Variants in TBC1D22A observed in about 807,000 individuals in gnomAD.
The protein encoded by TBC1D22A is TBC1 domain family member 22A, also known as putative GTPase activator.
In TBC1D22A, 38 loss-of-function variants were observed where a neutral mutation model predicts 60.2. That is an observed-to-expected ratio of 0.63 (90% CI 0.49 to 0.83). TBC1D22A has a LOEUF of 0.83. TBC1D22A is among the 40% of genes least tolerant of loss of function. The pLI, the probability that TBC1D22A is intolerant of heterozygous loss-of-function variation, is 0.00. For missense variants in TBC1D22A, 628 were observed against 701.0 expected (o/e 0.90, Z 1.18); for synonymous variants, 302 against 281.7 (o/e 1.07, Z -0.72).
chr22:46,921,579 G>A (rs2070759967), intron 8 of TBC1D22A, among the ~76,000 whole-genome samples: 1 of 152,210 alleles, frequency 6.6e-6, no homozygotes, highest in African/African-American at 2.4e-5. Flanking sequence ...ATGGTACAGT[G>A]ATTGATATTC....
At chr22:46,976,128 G>A (rs982924117) in intron 9 of TBC1D22A, among the ~76,000 whole-genome samples, 13 of 152,210 alleles carry the variant, frequency 8.5e-5, no homozygotes, top group Non-Finnish European at 1.5e-4. Context: ...GATGGTGAGT[G>A]ATGGGACTTG....
intron 4 of TBC1D22A, among the ~76,000 whole-genome samples, chr22:46,806,675 T>G (rs2085155000): frequency 6.6e-6 from 1 of 152,096 alleles, no homozygotes; most frequent in Admixed American, 6.5e-5. Context: ...ATAAAATGTG[T>G]TAACTTAGAA....
At chr22:46,972,749 C>T (rs1287270213) in intron 8 of TBC1D22A, among the ~76,000 whole-genome samples, 3 of 152,170 alleles carry the variant, frequency 2.0e-5, no homozygotes, top group African/African-American at 4.8e-5. Flanking sequence ...CTGTCGCACA[C>T]GCTAAAGAGT....
intron 11 of TBC1D22A, among the ~76,000 whole-genome samples, chr22:47,065,048 A>C (rs1434208709): frequency 6.6e-6 from 1 of 152,170 alleles, no homozygotes; most frequent in Non-Finnish European, 1.5e-5. Flanking sequence ...CAGTGGCACG[A>C]TCTCGGCCCA....
intron 11 of TBC1D22A, among the ~76,000 whole-genome samples, chr22:47,044,006 G>GATGCT (rs2062944370): frequency 6.6e-6 from 1 of 152,070 alleles, no homozygotes; most frequent in African/African-American, 2.4e-5. Context: ...GAGCAGGGCA[G>GATGCT]GGCTCCGCCT....
At chr22:46,787,933 T>C (rs1003665881) in intron 1 of TBC1D22A, among the ~76,000 whole-genome samples, 8 of 133,358 alleles carry the variant, frequency 6.0e-5, no homozygotes, top group Non-Finnish European at 1.3e-4. Flanking sequence ...GGCAGGCTAC[T>C]TTTTTTTTTT....
chr22:46,804,788 A>G (rs1295671659), intron 4 of TBC1D22A, among the ~76,000 whole-genome samples: 1 of 152,192 alleles, frequency 6.6e-6, no homozygotes, highest in African/African-American at 2.4e-5. Context: ...TTGAATGGTG[A>G]TTTTTAGTCT....
intron 4 of TBC1D22A, among the ~76,000 whole-genome samples, chr22:46,841,047 G>GT (rs1555909300): frequency 3.1e-3 from 457 of 147,528 alleles, no homozygotes; most frequent in South Asian, 5.1e-3. Context: ...AATGAAAATG[G>GT]GTGTGTGTGT....
intron 4 of TBC1D22A, among the ~76,000 whole-genome samples, chr22:46,800,729 AT>A (rs1228044657): frequency 6.6e-6 from 1 of 152,214 alleles, no homozygotes; most frequent in Non-Finnish European, 1.5e-5. Context: ...AATGTTAGTT[AT>A]TTTTATGGTT....
At chr22:46,873,868 C>T (rs2067408698) in intron 4 of TBC1D22A, among the ~76,000 whole-genome samples, 1 of 152,016 alleles carries the variant, frequency 6.6e-6, no homozygotes, top group South Asian at 2.1e-4. Flanking sequence ...ACGATCTCAG[C>T]TCACTACAAG....
intron 4 of TBC1D22A, among the ~76,000 whole-genome samples, chr22:46,813,004 C>T (rs2085448951): frequency 6.6e-6 from 1 of 152,258 alleles, no homozygotes; most frequent in Non-Finnish European, 1.5e-5. Context: ...ATTTATGCGG[C>T]CGCTGCTGCC....
chr22:46,984,964 T>C (rs2148182020), intron 9 of TBC1D22A, among the ~76,000 whole-genome samples: 1 of 152,208 alleles, frequency 6.6e-6, no homozygotes, highest in East Asian at 1.9e-4. Context: ...GCTGGGGAGA[T>C]GTGTGGCTTC....
chr22:47,149,157 G>A (rs1456111602), intron 12 of TBC1D22A, among the ~76,000 whole-genome samples: 1 of 152,124 alleles, frequency 6.6e-6, no homozygotes, highest in Non-Finnish European at 1.5e-5. Flanking sequence ...CACATGGCTC[G>A]GGGGCCCTTC....
In TBC1D22A at chr22:46,947,077, C is replaced by G. The variant is rs367772371; in HGVS notation, c.1016-27213C>G. On this transcript the variant is annotated intron_variant, in intron 8 of 12. Coordinates refer to ENST00000337137, the MANE Select transcript of TBC1D22A (RefSeq NM_014346.5). ...TTAGAGACTGCCAGGCCCAGCCTCCCCAGGCCACACCGTTATGTGGATGAG... is the reference window on the plus strand; with the variant it reads ...TTAGAGACTGCCAGGCCCAGCCTCCGCAGGCCACACCGTTATGTGGATGAG... 1.9e-4 allele frequency among the ~76,000 whole-genome samples: 29 copies of G among 152,146 alleles called. 1 individual carries two copies. The East Asian group carries it at 2.9e-3, about 15-fold the overall frequency.
chr22:46,912,894 G>A (rs2070056551), intron 8 of TBC1D22A, among the ~76,000 whole-genome samples: 1 of 152,168 alleles, frequency 6.6e-6, no homozygotes, highest in African/African-American at 2.4e-5. Context: ...AGGTGATAGA[G>A]TGTCAGTCAC....
chr22:46,931,570 A>G (rs532938382), intron 8 of TBC1D22A, among the ~76,000 whole-genome samples: 14 of 152,324 alleles, frequency 9.2e-5, no homozygotes, highest in African/African-American at 3.1e-4. Flanking sequence ...AACTCACCCA[A>G]GTCGGCCACA....
chr22:46,948,271 T>C (rs1394017709), intron 8 of TBC1D22A, among the ~76,000 whole-genome samples: 1 of 152,254 alleles, frequency 6.6e-6, no homozygotes, highest in African/African-American at 2.4e-5. Context: ...TAAGATGGCA[T>C]GCAGACCTTT....
chr22:46,786,944 C>T (rs2084183196), intron 1 of TBC1D22A, among the ~76,000 whole-genome samples: 1 of 152,146 alleles, frequency 6.6e-6, no homozygotes, highest in African/African-American at 2.4e-5. Context: ...ACCTTGGCTT[C>T]CCAAAGTGCT....
chr22:46,819,190 T>G (rs964934243), intron 4 of TBC1D22A, among the ~76,000 whole-genome samples: 1 of 152,232 alleles, frequency 6.6e-6, no homozygotes, highest in African/African-American at 2.4e-5. Context: ...CAGAGACAAC[T>G]TGACTCCTCT....
Sources: gnomAD v4.1 joint callset for allele counts (sites outside exome capture counted in the v4.1 genomes callset) on GRCh38, gnomAD v4.1.1 for gene constraint, MANE v1.5 for transcripts, NCBI Gene and HGNC (gene_info 2026-07-23, HGNC 2026-07-21) for gene names.